Variants in PRDM16 observed in about 807,000 individuals in gnomAD.
The protein encoded by PRDM16 is PR/SET domain 16.
In PRDM16, 23 loss-of-function variants were observed where a neutral mutation model predicts 110.6. The ratio of observed to expected loss-of-function variants is 0.21; its 90% CI spans 0.15 to 0.29. The LOEUF (loss-of-function observed/expected upper bound fraction) is 0.29. Ranked by LOEUF, PRDM16 falls within the 10% of genes least tolerant of loss-of-function variation. The pLI, the probability that PRDM16 is intolerant of heterozygous loss-of-function variation, is 1.00. For synonymous variants in PRDM16, 799 were observed against 781.8 expected (o/e 1.02, Z -0.37); for missense variants, 1,615 against 1,794.3 (o/e 0.90, Z 1.81).
intron 3 of PRDM16, among the ~76,000 whole-genome samples, chr1:3,349,803 G>T (rs1642445181): frequency 6.6e-6 from 1 of 152,238 alleles, no homozygotes; most frequent in African/African-American, 2.4e-5. Flanking sequence ...AGCTCTGCTG[G>T]CCACGGTGCT....
At chr1:3,315,711 C>T (rs766630284) in intron 3 of PRDM16, among the ~76,000 whole-genome samples, 1 of 151,734 alleles carries the variant, frequency 6.6e-6, no homozygotes, top group South Asian at 2.1e-4. Flanking sequence ...GAAGGAAAGC[C>T]GATCTACCCA....
rs1280073578 is a variant in PRDM16 at position 3,157,420 on chromosome 1, A to AT, written c.38-28703dup. Reference sequence around the variant, plus strand: ...AGGCTCCCAGGCCTTTTGCGATCCCATTAAAAAAAAAAAAAAAAAAAACAC... The same window carrying AT: ...AGGCTCCCAGGCCTTTTGCGATCCCATTTAAAAAAAAAAAAAAAAAAAACAC... On this transcript the variant is annotated intron_variant, in intron 1 of 16. Transcript: ENST00000270722. The surrounding 1 kb of genome is among the most constrained non-coding windows in gnomAD (Gnocchi z 4.8). 1.3e-3 allele frequency among the ~76,000 whole-genome samples: 141 copies of AT among 111,774 alleles called. 1 individual carries two copies. The highest frequency in any genetic ancestry group is 5.8e-3 in the East Asian group (18 of 3,128). The allele number at this position is 111,774 out of a possible 152,430, so 73.3% of individuals were successfully genotyped here.
In PRDM16 at chr1:3,426,209, A is replaced by G. The variant is rs776903233; in HGVS notation, c.3268A>G (p.Thr1090Ala). Residue 1090 changes from threonine to alanine, a missense_variant, in exon 14 of 17, where the codon ACG becomes GCG. By Grantham distance (58) the Thr-to-Ala change is moderately conservative. Around this residue, in one of 5 missense-constraint regions of PRDM16, gnomAD observed 327 missense variants for 359.3 expected, o/e 0.91. Transcript: ENST00000270722. ...IANSEMNQAS[T>A]RTEKRADMQI... The stretch of plus-strand genomic sequence containing the variant: ...CAATAGTGAGATGAACCAAGCATCA[A>G]CGCGAACAGAGAAACGGTAAGAAAA... The G allele has an allele frequency of 5.0e-6, 8 of 1,613,378 alleles. No individual in the cohort carries two copies. The African/African-American group carries it at 8.0e-5, about 16-fold the overall frequency.
At chr1:3,249,387 G>A (rs531943167) in intron 3 of PRDM16, among the ~76,000 whole-genome samples, 6 of 152,120 alleles carry the variant, frequency 3.9e-5, no homozygotes, top group Middle Eastern at 3.4e-3. Context: ...GGCTTTCTGC[G>A]GCCTCCCTAA....
chr1:3,173,707 C>T (rs532399093), intron 1 of PRDM16, among the ~76,000 whole-genome samples: 1 of 152,350 alleles, frequency 6.6e-6, no homozygotes, highest in East Asian at 1.9e-4. Context: ...AGCGGATGTG[C>T]TTCTCTCCGA....
chr1:3,431,081 T>A lies in PRDM16; in HGVS notation c.3494T>A (p.Leu1165Gln). 1 of 1,552,032 alleles carries A rather than the reference T, an allele frequency of 6.4e-7. No homozygotes were observed. The highest frequency in any genetic ancestry group is 8.7e-7 in the Non-Finnish European group (1 of 1,148,138). The stretch of plus-strand genomic sequence containing the variant: ...GAGGATGAGGAGCCAGCCGCCTCCC[T>A]GGCCGTGGGCTTTGACCACACCCGA... ...DEEDEEPAASLAVGFDHTRRC... is the reference protein window; with the variant it reads ...DEEDEEPAASQAVGFDHTRRC... Residue 1165 changes from leucine to glutamine, a missense_variant, in exon 15 of 17, where the codon CTG (leucine) becomes CAG (glutamine). By Grantham distance (113) the Leu-to-Gln change is moderately radical. Transcript: ENST00000270722.
Position 3,412,487 on chromosome 1 carries a change from G to A in PRDM16, c.2290G>A (p.Val764Met), listed in dbSNP as rs149333409. ...EPKSPRDALK[V>M]GGPSAECPFD... ...AAAGTCACCCCGGGACGCCCTCAAGGTGGGCGGCCCCAGTGCCGAGTGCCC... is the reference window on the plus strand; with the variant it reads ...AAAGTCACCCCGGGACGCCCTCAAGATGGGCGGCCCCAGTGCCGAGTGCCC... Residue 764 changes from valine to methionine, a missense_variant, in exon 9 of 17, where the codon GTG becomes ATG. Val to Met is a conservative substitution (Grantham distance 21). Transcript: ENST00000270722. The A allele has an allele frequency of 1.7e-3, 2,669 of 1,613,312 alleles. 5 individuals carry two copies. Among genetic ancestry groups the A allele is most frequent in the Non-Finnish European group, 2.0e-3 (2,379 of 1,179,998 alleles).
chr1:3,365,585 G>C (rs1279573756), intron 3 of PRDM16, among the ~76,000 whole-genome samples: 1 of 152,224 alleles, frequency 6.6e-6, no homozygotes, highest in Non-Finnish European at 1.5e-5. Context: ...TCAGCCAACA[G>C]ACAAGGAGAG....
chr1:3,396,952 A>G (rs871823), intron 5 of PRDM16, among the ~76,000 whole-genome samples: 53,129 of 151,884 alleles, frequency 0.35, 9,857 homozygotes, highest in East Asian at 0.61. Flanking sequence ...TATTATTGCT[A>G]TTATTCTTAT....
At chr1:3,256,715 G>T (rs1640055386) in intron 3 of PRDM16, among the ~76,000 whole-genome samples, 1 of 152,078 alleles carries the variant, frequency 6.6e-6, no homozygotes, top group Non-Finnish European at 1.5e-5. Flanking sequence ...AAATTAGCCG[G>T]GCATGGTGGC....
chr1:3,086,548 CG>C (rs1326894570), intron 1 of PRDM16, among the ~76,000 whole-genome samples: 1 of 152,152 alleles, frequency 6.6e-6, no homozygotes, highest in Non-Finnish European at 1.5e-5. Flanking sequence ...CTCCTCCCGC[CG>C]GGCTGCCTTG....
At chr1:3,181,419 CACACGCGGTCTTACACAAGCAGTCTT>C (rs1644178519) in intron 1 of PRDM16, among the ~76,000 whole-genome samples, 1 of 92,102 alleles carries the variant, frequency 1.1e-5, no homozygotes, top group African/African-American at 4.1e-5. Flanking sequence ...CGCAGTCTTA[CACACGCGGTCTTACACAAGCAGTCTT>C]ACACGGTCTT....
At chr1:3,073,407 A>C (rs1641814052) in intron 1 of PRDM16, among the ~76,000 whole-genome samples, 1 of 152,238 alleles carries the variant, frequency 6.6e-6, no homozygotes, top group South Asian at 2.1e-4. Context: ...TCTTTTGAAT[A>C]ATTTCGTTTA....
chr1:3,231,495 C>T (rs911001027), intron 2 of PRDM16, among the ~76,000 whole-genome samples: 11 of 108,360 alleles, frequency 1.0e-4, no homozygotes, highest in East Asian at 6.6e-4. Context: ...CGAGGCTGCT[C>T]AGCCCAGGGG....
chr1:3,198,933 G>T (rs928905597), intron 2 of PRDM16, among the ~76,000 whole-genome samples: 1 of 152,144 alleles, frequency 6.6e-6, no homozygotes, highest in African/African-American at 2.4e-5. Context: ...GTAATTTCAC[G>T]AGCAGAGCTA....
chr1:3,286,655 C>G (rs1280951162), intron 3 of PRDM16, among the ~76,000 whole-genome samples: 1 of 151,372 alleles, frequency 6.6e-6, no homozygotes, highest in East Asian at 1.9e-4. Flanking sequence ...GTTCAGCCTT[C>G]TGCACCCCCA....
At chr1:3,260,586 G>A (rs1187573057) in intron 3 of PRDM16, among the ~76,000 whole-genome samples, 6 of 151,014 alleles carry the variant, frequency 4.0e-5, no homozygotes, top group African/African-American at 1.5e-4. Context: ...GTGTGATGAT[G>A]CTGGTGATGA....
chr1:3,404,937 G>A, intron 7 of PRDM16, 51 bp downstream of exon 7: 4 of 1,582,932 alleles, frequency 2.5e-6, no homozygotes, highest in Non-Finnish European at 3.4e-6. Context: ...GGAGGCTGCA[G>A]ACGGGCGCCC....
At chr1:3,095,189 C>G (rs1279653108) in intron 1 of PRDM16, among the ~76,000 whole-genome samples, 1 of 152,236 alleles carries the variant, frequency 6.6e-6, no homozygotes, top group African/African-American at 2.4e-5. Flanking sequence ...TGGAGCTCCA[C>G]CTCCCCAACC....
Sources: allele counts gnomAD v4.1 joint callset (sites outside exome capture counted in the v4.1 genomes callset), GRCh38; gene constraint gnomAD v4.1.1; regional missense constraint gnomAD v4.1.1; non-coding constraint Gnocchi (gnomAD v3.1); transcripts MANE v1.5; gene names NCBI Gene and HGNC (gene_info 2026-07-23, HGNC 2026-07-21).